The following P2RX5 variants were observed in gnomAD, a reference collection of about 807,000 sequenced individuals.
The protein encoded by P2RX5 is P2X purinoceptor 5.
A neutral mutation model predicts 54.1 loss-of-function variants in P2RX5; 46 were observed. The observed-to-expected ratio is 0.85, with a 90% CI of 0.67 to 1.09. P2RX5 has a LOEUF of 1.09. Ranked by LOEUF, P2RX5 falls within the 50% of genes least tolerant of loss-of-function variation. P2RX5 has a pLI of 0.00. For synonymous variants in P2RX5, 226 were observed against 226.4 expected, an observed-to-expected ratio of 1.00 and a Z score of 0.02; for missense variants, 566 against 549.8, an observed-to-expected ratio of 1.03 and a Z score of -0.29.
the P2RX5 span, among the ~76,000 whole-genome samples, chr17:3,709,585 A>C: frequency 1.3e-5 from 2 of 152,166 alleles, no homozygotes; most frequent in East Asian, 3.8e-4. Flanking sequence ...CTGGGTAACA[A>C]GGTGAGACCC....
At chr17:3,696,721 T>C (rs938096318), upstream of P2RX5, among the ~76,000 whole-genome samples, 1 of 152,216 alleles carries the variant, frequency 6.6e-6, no homozygotes, top group Non-Finnish European at 1.5e-5. Context: ...ATTACAGGCG[T>C]GAGCCACCGC....
the P2RX5 span, among the ~76,000 whole-genome samples, chr17:3,713,114 T>C: frequency 1.3e-5 from 2 of 152,202 alleles, no homozygotes; most frequent in East Asian, 3.9e-4. Flanking sequence ...CCCAACACTT[T>C]CAGAGGCTAA....
intron 5 of P2RX5, 125 bp from the exon 6 acceptor site, chr17:3,690,275 C>T: frequency 1.7e-6 from 2 of 1,180,240 alleles, no homozygotes; most frequent in Non-Finnish European, 1.3e-6. Flanking sequence ...AGTTAATTTG[C>T]TCATGCTGGG....
At chr17:3,709,823 C>G in the P2RX5 span, among the ~76,000 whole-genome samples, 1 of 152,084 alleles carries the variant, frequency 6.6e-6, no homozygotes, top group Non-Finnish European at 1.5e-5. Flanking sequence ...GCAGGAGAAT[C>G]GCTTGAACCC....
intron 1 of P2RX5, among the ~76,000 whole-genome samples, chr17:3,695,261 G>A (rs560985350): frequency 9.0e-4 from 137 of 152,294 alleles, no homozygotes; most frequent in East Asian, 4.4e-3. Flanking sequence ...GCTCCTGCCA[G>A]GTGGCATGAG....
chr17:3,712,728 CCT>C, the P2RX5 span, among the ~76,000 whole-genome samples: 1 of 152,112 alleles, frequency 6.6e-6, no homozygotes, highest in East Asian at 1.9e-4. Flanking sequence ...GGGTGGATCA[CCT>C]GAGGTCAGGA....
At chr17:3,699,769 C>T (rs2050802038), upstream of P2RX5, among the ~76,000 whole-genome samples, 1 of 149,810 alleles carries the variant, frequency 6.7e-6, no homozygotes, top group South Asian at 2.1e-4. Context: ...CGCGCCACTG[C>T]ACTCCAGCCT....
At chr17:3,720,362 A>T in the P2RX5 span, 1 of 1,586,178 alleles carries the variant, frequency 6.3e-7, no homozygotes, top group Non-Finnish European at 8.7e-7. Flanking sequence ...GTTGAAAGAT[A>T]TTTCACCAAG....
upstream of P2RX5, among the ~76,000 whole-genome samples, chr17:3,697,783 A>T (rs1270670890): frequency 6.6e-6 from 1 of 152,198 alleles, no homozygotes; most frequent in Non-Finnish European, 1.5e-5. Context: ...CATTTCTTCA[A>T]AAAGGCCTGT....
intron 3 of P2RX5, 97 bp from the exon 4 acceptor site, chr17:3,690,777 G>C (rs1567738240): frequency 7.6e-7 from 1 of 1,316,840 alleles, no homozygotes; most frequent in Admixed American, 1.8e-5. Context: ...CTTCGGCCTG[G>C]CCCACACACA....
At chr17:3,710,060 A>C in the P2RX5 span, among the ~76,000 whole-genome samples, 1 of 152,110 alleles carries the variant, frequency 6.6e-6, no homozygotes, top group East Asian at 1.9e-4. Flanking sequence ...GACCCAGAAA[A>C]TCTTAACCAA....
intron 7 of P2RX5, among the ~76,000 whole-genome samples, chr17:3,689,227 G>A (rs1432353816): frequency 4.3e-5 from 6 of 139,996 alleles, no homozygotes; most frequent in East Asian, 4.3e-4. Context: ...ACCCTCGCCC[G>A]CTGCCACGGC....
At chr17:3,676,120 G>C (rs2050097689) in intron 11 of P2RX5, 1 of 985,488 alleles carries the variant, frequency 1.0e-6, no homozygotes, top group Non-Finnish European at 1.2e-6. Context: ...GGCGGCGCTG[G>C]AGCACTTTTC....
At chr17:3,689,120 TG>T (rs2050530569) in intron 7 of P2RX5, among the ~76,000 whole-genome samples, 1 of 152,270 alleles carries the variant, frequency 6.6e-6, no homozygotes, top group Admixed American at 6.5e-5. Flanking sequence ...TGGCTCTCAC[TG>T]ACTGCCCGTG....
chr17:3,690,721 C>A (rs750352830), intron 3 of P2RX5, 41 bp from the exon 4 acceptor site: 1 of 1,594,110 alleles, frequency 6.3e-7, no homozygotes, highest in Non-Finnish European at 8.6e-7. Context: ...GGGGTTCCCC[C>A]AGCTCAGAGC....
chr17:3,707,981 C>T, the P2RX5 span, among the ~76,000 whole-genome samples: 1 of 150,394 alleles, frequency 6.6e-6, no homozygotes, highest in Non-Finnish European at 1.5e-5. Context: ...TGGCGTGAAC[C>T]CGGGATGCGG....
At chr17:3,711,367 A>ATTTTTTTTTTTTTTTTT in the P2RX5 span, among the ~76,000 whole-genome samples, 1 of 88,154 alleles carries the variant, frequency 1.1e-5, no homozygotes, top group African/African-American at 7.0e-5. Flanking sequence ...CCCAGCACTC[A>ATTTTTTTTTTTTTTTTT]TTCTTTTTTT....
At chr17:3,693,313 TGAA>T (rs2050669651) in intron 1 of P2RX5, among the ~76,000 whole-genome samples, 1 of 152,116 alleles carries the variant, frequency 6.6e-6, no homozygotes, top group Admixed American at 6.6e-5. Flanking sequence ...GATGAGGTTG[TGAA>T]GAAATTAGAA....
intron 1 of P2RX5, among the ~76,000 whole-genome samples, chr17:3,695,172 G>C (rs879497): frequency 0.68 from 103,040 of 152,134 alleles, 37,438 homozygotes; most frequent in Admixed American, 0.8. Context: ...GCTCACCCCC[G>C]ACCCACCCCG....
Sources: gnomAD v4.1 joint callset for allele counts (sites outside exome capture counted in the v4.1 genomes callset) on GRCh38, gnomAD v4.1.1 for gene constraint, MANE v1.5 for transcripts, NCBI Gene and HGNC (gene_info 2026-07-23, HGNC 2026-07-21) for gene names.